The following CATSPERE variants were observed in gnomAD, a reference collection of about 807,000 sequenced individuals.
The protein encoded by CATSPERE is catsper channel auxiliary subunit epsilon.
A neutral mutation model predicts 114.1 loss-of-function variants in CATSPERE; 93 were observed. The ratio of observed to expected loss-of-function variants is 0.81; its 90% CI spans 0.69 to 0.97. CATSPERE has a LOEUF of 0.97. Among genes scored for constraint, CATSPERE ranks in the 50% least tolerant of loss-of-function variants. The pLI is 0.00. For synonymous variants in CATSPERE, 341 were observed against 384.1 expected, an observed-to-expected ratio of 0.89 and a Z score of 1.31; for missense variants, 1,058 against 1,131.6, an observed-to-expected ratio of 0.93 and a Z score of 0.93.
chr1:244,585,653 A>T (rs545482244), intron 13 of CATSPERE, among the ~76,000 whole-genome samples: 6 of 152,206 alleles, frequency 3.9e-5, no homozygotes, highest in African/African-American at 1.4e-4. Context: ...CTGTGTAGAC[A>T]CAGAACCATG....
chr1:244,479,659 C>T (rs1669943944), intron 4 of CATSPERE, 58 bp from the exon 5 acceptor site: 6 of 1,040,574 alleles, frequency 5.8e-6, no homozygotes, highest in Middle Eastern at 2.0e-4. Context: ...TGGCTATATC[C>T]ATATTTGCAT....
intron 18 of CATSPERE, among the ~76,000 whole-genome samples, chr1:244,606,152 G>A (rs1044952792): frequency 6.6e-5 from 10 of 152,054 alleles, no homozygotes; most frequent in African/African-American, 2.4e-4. Flanking sequence ...TCTGGGCTTC[G>A]TCTCACTTGA....
At chr1:244,603,111 G>A (rs1275940699) in intron 17 of CATSPERE, among the ~76,000 whole-genome samples, 2 of 152,132 alleles carry the variant, frequency 1.3e-5, no homozygotes, top group African/African-American at 2.4e-5. Context: ...CTGGGGTGAT[G>A]AGGGTAGGAG....
At chr1:244,498,633 C>T (rs1400657034) in intron 6 of CATSPERE, among the ~76,000 whole-genome samples, 1 of 152,152 alleles carries the variant, frequency 6.6e-6, no homozygotes, top group African/African-American at 2.4e-5. Flanking sequence ...CGTGGTGGCT[C>T]ACGCCTGTAA....
intron 2 of CATSPERE, among the ~76,000 whole-genome samples, chr1:244,471,464 TTA>T (rs1357258571): frequency 6.6e-6 from 1 of 152,214 alleles, no homozygotes; most frequent in African/African-American, 2.4e-5. Flanking sequence ...TACAGTTGCG[TTA>T]TCACCGTAAT....
At chr1:244,561,715 G>C in intron 10 of CATSPERE, among the ~76,000 whole-genome samples, 1 of 150,386 alleles carries the variant, frequency 6.6e-6, no homozygotes, top group Admixed American at 6.6e-5. Flanking sequence ...TTAGAGGTCA[G>C]ATACCCAGTT....
At chr1:244,490,018 A>C (rs1313956222) in intron 5 of CATSPERE, among the ~76,000 whole-genome samples, 1 of 152,192 alleles carries the variant, frequency 6.6e-6, no homozygotes, top group Non-Finnish European at 1.5e-5. Flanking sequence ...GGAGATTGTA[A>C]AGTGGTTAGA....
chr1:244,572,206 C>T (rs969985282), intron 10 of CATSPERE, 124 bp from the exon 11 acceptor site: 8 of 635,562 alleles, frequency 1.3e-5, no homozygotes, highest in Non-Finnish European at 2.2e-5. Context: ...CACATTCTAA[C>T]TTTCTCAAAG....
At chr1:244,518,563 A>C (rs1230690270) in intron 7 of CATSPERE, 29 bp from the exon 8 acceptor site, 5 of 1,323,124 alleles carry the variant, frequency 3.8e-6, no homozygotes, top group Non-Finnish European at 5.4e-6. Context: ...TGAAAATAAT[A>C]AAAAATGAAA....
At chr1:244,588,571 A>T in intron 14 of CATSPERE, 37 bp downstream of exon 14, 1 of 1,482,712 alleles carries the variant, frequency 6.7e-7, no homozygotes, top group Non-Finnish European at 9.4e-7. Context: ...TTACTCTTTA[A>T]GTTTTAAAAC....
At chr1:244,499,260 A>G (rs988892689) in intron 7 of CATSPERE, among the ~76,000 whole-genome samples, 181 bp downstream of exon 7, 22 of 152,166 alleles carry the variant, frequency 1.4e-4, no homozygotes, top group African/African-American at 4.6e-4. Flanking sequence ...CTTAATCTCT[A>G]CAATAATAAA....
intron 8 of CATSPERE, among the ~76,000 whole-genome samples, chr1:244,526,650 C>CTT (rs1330027997): frequency 2.2e-5 from 3 of 134,406 alleles, no homozygotes; most frequent in Non-Finnish European, 1.6e-5. Flanking sequence ...TAGTCTTTTT[C>CTT]TTTTTTTTTT....
At chr1:244,479,827 G>C (rs754887013) in intron 5 of CATSPERE, 43 bp downstream of exon 5, 2 of 1,094,546 alleles carry the variant, frequency 1.8e-6, no homozygotes, top group Non-Finnish European at 2.6e-6. Flanking sequence ...CTTTTAAAGA[G>C]TATTTAGCTT....
rs201891191 is a variant in CATSPERE, at chr1:244,579,058, TA to T, written c.1951-2730del. Among the ~76,000 whole-genome samples the T allele has an allele frequency of 6.3e-3, 958 of 151,638 alleles. 4 individuals are homozygous for T. The highest frequency in any genetic ancestry group is 0.031 in the Middle Eastern group (9 of 294). On this transcript the variant is annotated intron_variant, in intron 11 of 21. Coordinates refer to ENST00000366534, the MANE Select transcript of CATSPERE (RefSeq NM_001130957.2). The stretch of plus-strand genomic sequence containing the variant: ...GTTTACAGTATTGCACTAAACATGA[TA>T]AAAAAAATATGCAAGAACCACAAGA...
At chr1:244,566,035 A>G (rs1051779382) in intron 10 of CATSPERE, among the ~76,000 whole-genome samples, 1 of 152,082 alleles carries the variant, frequency 6.6e-6, no homozygotes, top group Non-Finnish European at 1.5e-5. Flanking sequence ...CTTTGTTCTC[A>G]TTGGTTTCAA....
At chr1:244,515,333 A>AT in intron 7 of CATSPERE, 1 of 980,436 alleles carries the variant, frequency 1.0e-6, no homozygotes, top group Non-Finnish European at 1.2e-6. Context: ...GGATGGTGAG[A>AT]TTTTTTTCAT....
intron 5 of CATSPERE, among the ~76,000 whole-genome samples, chr1:244,480,095 A>G (rs954453766): frequency 6.6e-5 from 10 of 152,216 alleles, no homozygotes; most frequent in Non-Finnish European, 1.5e-5. Context: ...GGGTTAAACA[A>G]TTTGGAAAAA....
intron 12 of CATSPERE, among the ~76,000 whole-genome samples, chr1:244,582,271 G>A (rs1666295378): frequency 1.3e-5 from 2 of 152,162 alleles, no homozygotes; most frequent in Admixed American, 1.3e-4. Flanking sequence ...GTAGCAGCTA[G>A]GCTACCTGGA....
rs765935703 is a variant in CATSPERE, at chr1:244,617,609, T to C, written c.2571T>C (p.Asn857=). The change falls in exon 20 of 22, where the codon AAT becomes AAC. Residue 857 remains asparagine (N), a synonymous_variant. Coordinates refer to ENST00000366534, the MANE Select transcript of CATSPERE (RefSeq NM_001130957.2). The part of the protein sequence containing the change: ...NQPYEIINSS[N]GNHIFWPMGH... The stretch of plus-strand genomic sequence containing the variant: ...CATACGAGATTATCAACAGTTCTAA[T>C]GGTAACCATATATTTTGGCCCATGG... 1.9e-6 allele frequency: 3 copies of C among 1,544,278 alleles called. No homozygotes were observed. The highest frequency in any genetic ancestry group is 2.4e-5 in the South Asian group (2 of 82,000).
Sources: allele counts gnomAD v4.1 joint callset (sites outside exome capture counted in the v4.1 genomes callset), GRCh38; gene constraint gnomAD v4.1.1; transcripts MANE v1.5; gene names NCBI Gene and HGNC (gene_info 2026-07-23, HGNC 2026-07-21).